The following KCNQ5 variants were observed in gnomAD, a reference collection of about 807,000 sequenced individuals.
The protein encoded by KCNQ5 is potassium voltage-gated channel subfamily KQT member 5.
KCNQ5 carries 30 observed loss-of-function variants against 98.2 expected under a neutral mutation model. The observed-to-expected ratio is 0.31, with a 90% CI of 0.23 to 0.41. KCNQ5 has a LOEUF of 0.41. Among genes scored for constraint, KCNQ5 ranks in the 10% least tolerant of loss-of-function variants. The pLI is 1.00. For synonymous variants in KCNQ5, 458 were observed against 449.4 expected (o/e 1.02, Z -0.24); for missense variants, 835 against 1,182.5 (o/e 0.71, Z 4.31).
intron 1 of KCNQ5, among the ~76,000 whole-genome samples, chr6:72,820,145 T>C (rs1276789048): frequency 6.6e-6 from 1 of 152,210 alleles, no homozygotes; most frequent in African/African-American, 2.4e-5. Flanking sequence ...TTTATATTTT[T>C]CTCTGTAGAC....
At chr6:72,886,260 C>T (rs1394157779) in intron 1 of KCNQ5, among the ~76,000 whole-genome samples, 2 of 152,126 alleles carry the variant, frequency 1.3e-5, no homozygotes, top group Non-Finnish European at 2.9e-5. Context: ...TAGAGATACA[C>T]AGGCATCATA....
intron 2 of KCNQ5, among the ~76,000 whole-genome samples, chr6:73,023,624 G>A (rs1770713733): frequency 6.6e-6 from 1 of 152,264 alleles, no homozygotes; most frequent in African/African-American, 2.4e-5. Context: ...ATTTAGACTT[G>A]AGGCATTTCA....
At chr6:73,104,030 A>C (rs1481377532) in intron 5 of KCNQ5, among the ~76,000 whole-genome samples, 4 of 152,106 alleles carry the variant, frequency 2.6e-5, no homozygotes, top group Admixed American at 2.6e-4. Context: ...ATAAATTATT[A>C]GTTTGATTTA....
At chr6:73,173,229 A>T (rs887899398) in intron 11 of KCNQ5, among the ~76,000 whole-genome samples, 1 of 152,214 alleles carries the variant, frequency 6.6e-6, no homozygotes, top group Non-Finnish European at 1.5e-5. Context: ...TGTGCTGGAA[A>T]TGTGTTTTCA....
chr6:73,153,858 G>A (rs146000838), intron 10 of KCNQ5, among the ~76,000 whole-genome samples: 1 of 150,998 alleles, frequency 6.6e-6, no homozygotes, highest in Admixed American at 6.6e-5. Context: ...AGTAATCCCA[G>A]TGCTAAGTTA....
chr6:72,827,386 A>G (rs2150120141), intron 1 of KCNQ5, among the ~76,000 whole-genome samples: 1 of 152,050 alleles, frequency 6.6e-6, no homozygotes, highest in East Asian at 1.9e-4. Context: ...CCTCACCACC[A>G]TTTGTTATTT....
intron 1 of KCNQ5, among the ~76,000 whole-genome samples, chr6:72,888,805 T>C (rs1778947361): frequency 6.6e-6 from 1 of 152,190 alleles, no homozygotes. Context: ...TAGTCCTTCA[T>C]TCACATTTTT....
In KCNQ5 at chr6:73,016,602, G is replaced by A. The variant is rs572404889; in HGVS notation, c.489+12604G>A. Among the ~76,000 whole-genome samples, 4 of 152,202 alleles carry A rather than the reference G, an allele frequency of 2.6e-5. No individual in the cohort carries two copies. The South Asian group carries it at 8.3e-4, about 32-fold the overall frequency. ...TGACTTTAGAATGGACTAGAGCAGAGAGTAATAGGATGGGGGACATTTAGG... is the reference window on the plus strand; with the variant it reads ...TGACTTTAGAATGGACTAGAGCAGAAAGTAATAGGATGGGGGACATTTAGG... On this transcript the variant is annotated intron_variant, in intron 2 of 13. Coordinates refer to ENST00000370398, the MANE Select transcript of KCNQ5 (RefSeq NM_019842.4).
In KCNQ5 at chr6:72,939,380, C is replaced by A. The variant is rs367978427; in HGVS notation, c.399-64528C>A. Reference sequence around the variant, plus strand: ...CCCATGCGTTCTTTCTCCAGAGACACTTTTCTGCTTTAGGGAAATGCAAAG... The same window carrying A: ...CCCATGCGTTCTTTCTCCAGAGACAATTTTCTGCTTTAGGGAAATGCAAAG... On this transcript the variant is annotated intron_variant, in intron 1 of 13. Transcript: ENST00000370398. Among the ~76,000 whole-genome samples, 20 of 152,288 alleles carry A rather than the reference C, an allele frequency of 1.3e-4. No individual in the cohort carries two copies. In the East Asian group the frequency reaches 3.5e-3, roughly 26 times the overall value.
chr6:72,681,361 C>T (rs1318967430), intron 1 of KCNQ5, among the ~76,000 whole-genome samples: 2 of 152,188 alleles, frequency 1.3e-5, no homozygotes, highest in African/African-American at 4.8e-5. Context: ...TGCATCTACA[C>T]GTTACCTCTT....
intron 1 of KCNQ5, among the ~76,000 whole-genome samples, chr6:72,692,574 C>T (rs1357450641): frequency 2.6e-5 from 4 of 152,148 alleles, no homozygotes; most frequent in Non-Finnish European, 2.9e-5. Flanking sequence ...TAAGTGTGAA[C>T]ATTTTGAAAT....
intron 5 of KCNQ5, among the ~76,000 whole-genome samples, chr6:73,090,353 T>C (rs1297414105): frequency 6.6e-6 from 1 of 152,244 alleles, no homozygotes; most frequent in Non-Finnish European, 1.5e-5. Flanking sequence ...TCTCCCACTC[T>C]GTGAGTTGTC....
intron 1 of KCNQ5, among the ~76,000 whole-genome samples, chr6:72,805,456 A>C (rs1774907004): frequency 1.3e-5 from 2 of 152,034 alleles, no homozygotes; most frequent in Non-Finnish European, 2.9e-5. Flanking sequence ...TTCTATTGAA[A>C]AATGAGTTCA....
intron 1 of KCNQ5, among the ~76,000 whole-genome samples, chr6:72,703,528 G>A (rs1440268528): frequency 3.3e-5 from 5 of 152,160 alleles, no homozygotes; most frequent in African/African-American, 1.2e-4. Flanking sequence ...TTGAAAGGCT[G>A]AAAATAGTTA....
intron 1 of KCNQ5, among the ~76,000 whole-genome samples, chr6:72,814,563 A>G (rs953985012): frequency 2.0e-5 from 3 of 152,222 alleles, no homozygotes; most frequent in African/African-American, 7.2e-5. Context: ...GCACACCACT[A>G]AACTCTTTAA....
chr6:72,762,575 T>C (rs1424559983), intron 1 of KCNQ5, among the ~76,000 whole-genome samples: 1 of 152,014 alleles, frequency 6.6e-6, no homozygotes, highest in Non-Finnish European at 1.5e-5. Flanking sequence ...TTTGAAAACA[T>C]CAGGACGAAA....
chr6:72,741,834 C>T (rs1202425029), intron 1 of KCNQ5, among the ~76,000 whole-genome samples: 1 of 152,130 alleles, frequency 6.6e-6, no homozygotes, highest in African/African-American at 2.4e-5. Flanking sequence ...TCTGTCTTTT[C>T]TTAAGAATAT....
intron 1 of KCNQ5, among the ~76,000 whole-genome samples, chr6:72,982,350 C>T (rs1768504419): frequency 6.6e-6 from 1 of 152,126 alleles, no homozygotes; most frequent in South Asian, 2.1e-4. Context: ...GTATTGGGTA[C>T]ATATATATTT....
At chr6:73,049,664 G>C (rs1772125907) in intron 3 of KCNQ5, among the ~76,000 whole-genome samples, 1 of 152,116 alleles carries the variant, frequency 6.6e-6, no homozygotes, top group Non-Finnish European at 1.5e-5. Context: ...ACATAGATTA[G>C]CAACTGTCTT....
Sources: allele counts gnomAD v4.1 joint callset (sites outside exome capture counted in the v4.1 genomes callset), GRCh38; gene constraint gnomAD v4.1.1; transcripts MANE v1.5; gene names NCBI Gene and HGNC (gene_info 2026-07-23, HGNC 2026-07-21).